BEND7: variants seen among roughly 807,000 people sequenced by gnomAD.
The protein encoded by BEND7 is BEN domain-containing protein 7.
A neutral mutation model predicts 50.9 loss-of-function variants in BEND7; 28 were observed. The observed-to-expected ratio is 0.55, with a 90% CI of 0.41 to 0.75. The LOEUF is 0.75. BEND7 is among the 30% of genes least tolerant of loss of function. BEND7 has a pLI of 0.00. For synonymous variants in BEND7, 170 were observed against 183.9 expected (o/e 0.92, Z 0.61); for missense variants, 477 against 491.3 (o/e 0.97, Z 0.28).
intron 2 of BEND7, among the ~76,000 whole-genome samples, chr10:13,525,850 A>G (rs2079425191): frequency 6.6e-6 from 1 of 152,216 alleles, no homozygotes; most frequent in South Asian, 2.1e-4. Context: ...TGCAATGTAA[A>G]TGGGGTGAGC....
intron 2 of BEND7, among the ~76,000 whole-genome samples, chr10:13,507,978 G>C (rs1040911363): frequency 6.6e-6 from 1 of 152,198 alleles, no homozygotes; most frequent in African/African-American, 2.4e-5. Flanking sequence ...ACTCATAGAG[G>C]TTGGCATGGA....
rs1835983795 is a variant in BEND7, at chr10:13,444,974, C to T, written c.1234+2292G>A. The T allele has an allele frequency of 2.6e-5, 4 of 152,198 alleles. No individual in the cohort carries two copies. The South Asian group carries it at 8.3e-4, about 32-fold the overall frequency. The allele number at this position is 152,198 out of a possible 1,614,324, so 9.4% of individuals were successfully genotyped here. A position where few individuals can be genotyped will look rare whatever the true frequency, so the allele number is the denominator to read the frequency against. On this transcript the variant is annotated intron_variant, in intron 8 of 8. Coordinates refer to ENST00000466271, the MANE Select transcript of BEND7 (RefSeq NM_001369863.1). ...GGACTACAGGCGCCCGCCACCATGC[C>T]TGGCTAATTTTTTATATATTTTTTA...
intron 5 of BEND7, among the ~76,000 whole-genome samples, chr10:13,486,520 C>T (rs1185984115): frequency 6.6e-6 from 1 of 152,210 alleles, no homozygotes; most frequent in Admixed American, 6.5e-5. Flanking sequence ...CGTCAAGGCT[C>T]ATAGTGGAAG....
intron 5 of BEND7, among the ~76,000 whole-genome samples, chr10:13,481,541 C>G (rs2399970): frequency 0.57 from 86,648 of 152,068 alleles, 24,950 homozygotes; most frequent in East Asian, 0.75. Flanking sequence ...AGTTACAGAT[C>G]ACTTTCTCAT....
chr10:13,522,052 GAA>G (rs903961334), intron 2 of BEND7, among the ~76,000 whole-genome samples: 20 of 152,164 alleles, frequency 1.3e-4, no homozygotes, highest in Admixed American at 9.2e-4. Flanking sequence ...TCATCTATGG[GAA>G]GCTGAATAAC....
chr10:13,459,297 T>G (rs1417604437), intron 6 of BEND7, among the ~76,000 whole-genome samples: 1 of 152,158 alleles, frequency 6.6e-6, no homozygotes, highest in African/African-American at 2.4e-5. Context: ...AGGGGAGCTG[T>G]GCCTGGAAAC....
chr10:13,494,182 G>T (rs1431450723), intron 4 of BEND7, among the ~76,000 whole-genome samples: 1 of 152,186 alleles, frequency 6.6e-6, no homozygotes, highest in African/African-American at 2.4e-5. Context: ...ACTTTGGGAG[G>T]CCGAGGTGGG....
Position 13,441,209 on chromosome 10 carries a change from AAAG to A in BEND7, c.*531_*533del. On this transcript the variant is annotated 3_prime_UTR_variant, in exon 9 of 9. Transcript: ENST00000466271. ...CCAGGCTTGCATTGAATTCTTTTTT[AAAG>A]AACATAGTAATTTTAAAAAATCTAA... 1.1e-6 allele frequency: 1 copy of A among 939,764 alleles called. No homozygotes were observed. The highest frequency in any genetic ancestry group is 1.3e-6 in the Non-Finnish European group (1 of 788,446). The allele number at this position is 939,764 out of a possible 1,614,324, so 58.2% of individuals were successfully genotyped here. A position where few individuals can be genotyped will look rare whatever the true frequency, so the allele number is the denominator to read the frequency against.
At chr10:13,517,157 T>C (rs1890880) in intron 2 of BEND7, among the ~76,000 whole-genome samples, 118,701 of 150,866 alleles carry the variant, frequency 0.79, 46,841 homozygotes, top group Non-Finnish European at 0.81. Flanking sequence ...TCCCACCCAC[T>C]GGGCTCAACT....
downstream of BEND7, chr10:13,440,970 G>T: frequency 2.1e-6 from 1 of 485,310 alleles, no homozygotes; most frequent in Non-Finnish European, 2.7e-6. Flanking sequence ...TTCATCAGGA[G>T]ATATAACTTC....
intron 5 of BEND7, among the ~76,000 whole-genome samples, chr10:13,491,280 TCTAGC>T (rs894040820): frequency 2.1e-5 from 3 of 143,320 alleles, no homozygotes; most frequent in African/African-American, 7.9e-5. Context: ...GCCACTACAC[TCTAGC>T]CTGGGCGACA....
At chr10:13,474,709 C>A (rs1351517738) in intron 6 of BEND7, among the ~76,000 whole-genome samples, 1 of 152,196 alleles carries the variant, frequency 6.6e-6, no homozygotes, top group Non-Finnish European at 1.5e-5. Context: ...AGGTCGATAC[C>A]CGTCATCAGT....
chr10:13,482,113 A>C (rs141962578), intron 5 of BEND7, among the ~76,000 whole-genome samples: 1 of 152,326 alleles, frequency 6.6e-6, no homozygotes, highest in East Asian at 1.9e-4. Context: ...ACACTGTATT[A>C]GAATTATTTA....
intron 2 of BEND7, chr10:13,511,243 AG>A (rs1347665371): frequency 6.6e-6 from 1 of 152,214 alleles, no homozygotes; most frequent in African/African-American, 2.4e-5. Context: ...AAGGGGAAAC[AG>A]TAGAAGGAGT....
intron 8 of BEND7, chr10:13,444,347 T>G (rs971831763): frequency 2.6e-5 from 4 of 152,196 alleles, no homozygotes; most frequent in African/African-American, 9.7e-5. Flanking sequence ...ATGTAATGCA[T>G]CCAAACAAAT....
intron 2 of BEND7, among the ~76,000 whole-genome samples, chr10:13,506,664 G>A (rs761139388): frequency 1.3e-5 from 2 of 152,160 alleles, no homozygotes; most frequent in Non-Finnish European, 2.9e-5. Context: ...TGGTGAAACC[G>A]GTATGGCATA....
chr10:13,518,163 A>C (rs2078829606), intron 2 of BEND7, among the ~76,000 whole-genome samples: 1 of 152,246 alleles, frequency 6.6e-6, no homozygotes, highest in African/African-American at 2.4e-5. Flanking sequence ...GAAAAGTAAA[A>C]GACCACAATA....
Position 13,449,141 on chromosome 10 carries a change from T to C in BEND7, c.1184-1825A>G, listed in dbSNP as rs1016391163. Among the ~76,000 whole-genome samples, 4 of 152,266 alleles carry C rather than the reference T, an allele frequency of 2.6e-5. No homozygotes were observed. In the East Asian group the frequency reaches 5.8e-4, roughly 22 times the overall value. ...CCCTCTGGATGAAAGGCTTTAGGTATTTTAAATTTTGTTCTATGGCTTTTA... is the reference window on the plus strand; with the variant it reads ...CCCTCTGGATGAAAGGCTTTAGGTACTTTAAATTTTGTTCTATGGCTTTTA... On this transcript the variant is annotated intron_variant, in intron 7 of 8. Coordinates refer to ENST00000466271, the MANE Select transcript of BEND7 (RefSeq NM_001369863.1).
In BEND7 at chr10:13,495,528, G is replaced by A. The variant is rs375046103; in HGVS notation, c.571+1238C>T. On this transcript the variant is annotated intron_variant, in intron 4 of 8. Transcript: ENST00000466271. The stretch of plus-strand genomic sequence containing the variant: ...AATACAAAAATTAGCCAGGCGTGGT[G>A]GCACATGCCTGTAATCCCAGCTACT... 9.9e-5 allele frequency among the ~76,000 whole-genome samples: 15 copies of A among 152,258 alleles called. 1 individual carries two copies. Among genetic ancestry groups the A allele is most frequent in the Admixed American group, 5.9e-4 (9 of 15,294 alleles).
Sources: allele counts gnomAD v4.1 joint callset (sites outside exome capture counted in the v4.1 genomes callset), GRCh38; gene constraint gnomAD v4.1.1; transcripts MANE v1.5; gene names NCBI Gene and HGNC (gene_info 2026-07-23, HGNC 2026-07-21).